The following RAD54L2 variants were observed in gnomAD, a reference collection of about 807,000 sequenced individuals.
RAD54L2 encodes the protein RAD54 like 2, also known as helicase ARIP4.
A neutral mutation model predicts 138.4 loss-of-function variants in RAD54L2; 27 were observed. The observed-to-expected ratio is 0.20, with a 90% CI of 0.14 to 0.27. The LOEUF (loss-of-function observed/expected upper bound fraction) is 0.27. Ranked by LOEUF, RAD54L2 falls within the 10% of genes least tolerant of loss-of-function variation. The pLI, the probability that RAD54L2 is intolerant of heterozygous loss-of-function variation, is 1.00. For synonymous variants in RAD54L2, 644 were observed against 723.2 expected (o/e 0.89, Z 1.76); for missense variants, 1,396 against 1,890.2 (o/e 0.74, Z 4.85).
chr3:51,608,501 G>A (rs1700255088), intron 3 of RAD54L2, among the ~76,000 whole-genome samples: 1 of 152,204 alleles, frequency 6.6e-6, no homozygotes, highest in African/African-American at 2.4e-5. Context: ...GTTGTAGCGA[G>A]CGGAGATCAC....
Position 51,663,598 on chromosome 3 carries a change from A to C in RAD54L2, c.*178A>C. On this transcript the variant is annotated 3_prime_UTR_variant, in exon 23 of 23. Coordinates refer to ENST00000684192, the MANE Select transcript of RAD54L2 (RefSeq NM_015106.4). ...GTTGCTGTTTAACAAAAGAGGCAAA[A>C]AAAAAAAAAAAAAAAAAAAAGTCCA... 5.8e-6 allele frequency: 2 copies of C among 345,820 alleles called. No homozygotes were observed. The highest frequency in any genetic ancestry group is 5.5e-5 in the South Asian group (1 of 18,290). 21.4% of individuals were successfully genotyped at this position (345,820 alleles called of 1,614,324 possible).
chr3:51,541,208 T>A (rs1227566846), intron 1 of RAD54L2: 1 of 152,198 alleles, frequency 6.6e-6, no homozygotes, highest in South Asian at 2.1e-4. Flanking sequence ...GAGGTGGTTA[T>A]AGGTCTATGA....
intron 2 of RAD54L2, among the ~76,000 whole-genome samples, chr3:51,574,575 T>TA (rs1176243623): frequency 2.0e-5 from 3 of 152,244 alleles, no homozygotes; most frequent in Non-Finnish European, 4.4e-5. Context: ...GTGGTTTTGA[T>TA]TTGCATTTCT....
intron 3 of RAD54L2, among the ~76,000 whole-genome samples, chr3:51,620,016 A>G (rs1700532228): frequency 6.6e-6 from 1 of 152,168 alleles, no homozygotes; most frequent in Non-Finnish European, 1.5e-5. Flanking sequence ...TTTGGCACAC[A>G]GACATCGTAG....
intron 3 of RAD54L2, among the ~76,000 whole-genome samples, chr3:51,608,781 G>C (rs942819598): frequency 6.6e-6 from 1 of 152,236 alleles, no homozygotes; most frequent in African/African-American, 2.4e-5. Flanking sequence ...CGGCAGTACA[G>C]TCCAGCCTCG....
intron 3 of RAD54L2, among the ~76,000 whole-genome samples, chr3:51,603,085 T>G (rs1021134780): frequency 6.7e-6 from 1 of 149,874 alleles, no homozygotes; most frequent in Admixed American, 6.8e-5. Context: ...GAGGATCAGT[T>G]GAGGTCAGGA....
At chr3:51,623,921 G>A (rs1181068709) in intron 3 of RAD54L2, among the ~76,000 whole-genome samples, 1 of 144,014 alleles carries the variant, frequency 6.9e-6, no homozygotes, top group Non-Finnish European at 1.5e-5. Context: ...AGCTTACAGT[G>A]ATCCGAGATT....
At chr3:51,618,011 T>C (rs965183446) in intron 3 of RAD54L2, among the ~76,000 whole-genome samples, 1 of 151,894 alleles carries the variant, frequency 6.6e-6, no homozygotes, top group African/African-American at 2.4e-5. Context: ...CAGGCTGGAG[T>C]GCAGTGGTGC....
At chr3:51,542,558 G>A (rs1219950360) in intron 2 of RAD54L2, among the ~76,000 whole-genome samples, 3 of 151,552 alleles carry the variant, frequency 2.0e-5, no homozygotes, top group African/African-American at 7.3e-5. Context: ...CCATTCTCCC[G>A]CCTCAGCCTC....
chr3:51,618,602 A>G (rs1189252433), intron 3 of RAD54L2, among the ~76,000 whole-genome samples: 1 of 152,096 alleles, frequency 6.6e-6, no homozygotes, highest in African/African-American at 2.4e-5. Flanking sequence ...AAGGACAGAG[A>G]AACTATACTT....
At chr3:51,623,934 G>A (rs1376237926) in intron 3 of RAD54L2, among the ~76,000 whole-genome samples, 2 of 140,186 alleles carry the variant, frequency 1.4e-5, no homozygotes, top group African/African-American at 2.7e-5. Flanking sequence ...CCGAGATTGC[G>A]CCACACTGCA....
At chr3:51,555,216 T>C (rs1319371198) in intron 2 of RAD54L2, among the ~76,000 whole-genome samples, 2 of 152,166 alleles carry the variant, frequency 1.3e-5, no homozygotes, top group Non-Finnish European at 2.9e-5. Flanking sequence ...TAATCTGTGA[T>C]ATGTAAAGCC....
chr3:51,574,875 C>G (rs536879261), intron 2 of RAD54L2, among the ~76,000 whole-genome samples: 9 of 152,232 alleles, frequency 5.9e-5, no homozygotes, highest in Admixed American at 1.3e-4. Context: ...TCAATTTTGG[C>G]TTTTGTTGCC....
intron 5 of RAD54L2, among the ~76,000 whole-genome samples, chr3:51,629,769 G>A (rs1700793463): frequency 6.6e-6 from 1 of 152,122 alleles, no homozygotes; most frequent in African/African-American, 2.4e-5. Flanking sequence ...GGCTGAGGCA[G>A]GGGGAATAGC....
chr3:51,590,549 C>T lies in RAD54L2; in HGVS notation c.129C>T (p.Asp43=), dbSNP rs1250663535. ...AGTGTGACAGGGATGATGAAGAAGA[C>T]CTGCTGGATGGTAAGTGGGCTCTAT... ...VEECDRDDEE[D]LLDDPSLEGM... is the part of the protein sequence containing the mutation. The change falls in exon 3 of 23, where the codon GAC becomes GAT. Residue 43 remains aspartate, a synonymous_variant. Coordinates refer to ENST00000684192, the MANE Select transcript of RAD54L2 (RefSeq NM_015106.4). 2.4e-5 allele frequency: 37 copies of T among 1,552,104 alleles called. No homozygotes were observed. The highest frequency in any genetic ancestry group is 3.1e-5 in the Non-Finnish European group (36 of 1,147,142).
chr3:51,578,599 C>G (rs1344276082), intron 2 of RAD54L2, among the ~76,000 whole-genome samples: 3 of 152,128 alleles, frequency 2.0e-5, no homozygotes, highest in Non-Finnish European at 4.4e-5. Flanking sequence ...TGGGGACTAG[C>G]AGGAGTGAAC....
At chr3:51,566,028 C>T (rs558883287) in intron 2 of RAD54L2, among the ~76,000 whole-genome samples, 6 of 151,806 alleles carry the variant, frequency 4.0e-5, no homozygotes, top group African/African-American at 1.4e-4. Context: ...TGGGGTTTCA[C>T]CATGTTAGCC....
intron 2 of RAD54L2, among the ~76,000 whole-genome samples, chr3:51,550,196 G>C (rs529842773): frequency 6.6e-6 from 1 of 152,174 alleles, no homozygotes; most frequent in Non-Finnish European, 1.5e-5. Context: ...GCCTCCTAAG[G>C]GTCCCATTTC....
chr3:51,605,176 G>A (rs1335867375), intron 3 of RAD54L2, among the ~76,000 whole-genome samples: 2 of 147,510 alleles, frequency 1.4e-5, no homozygotes, highest in East Asian at 4.1e-4. Flanking sequence ...TGCAGCCTCC[G>A]CCTCCTGGGT....
Sources: allele counts gnomAD v4.1 joint callset (sites outside exome capture counted in the v4.1 genomes callset), GRCh38; gene constraint gnomAD v4.1.1; transcripts MANE v1.5; gene names NCBI Gene and HGNC (gene_info 2026-07-23, HGNC 2026-07-21).